The following PHEX variants were observed in gnomAD, a reference collection of about 807,000 sequenced individuals.
PHEX encodes phosphate regulating endopeptidase X-linked.
Under a neutral mutation model 68.0 loss-of-function variants are expected in PHEX, and 16 were observed. That is an observed-to-expected ratio of 0.24 (90% CI 0.16 to 0.36). The LOEUF (loss-of-function observed/expected upper bound fraction) is 0.36, where lower values mean the gene tolerates loss of function less well. Ranked by LOEUF, PHEX falls within the 10% of genes least tolerant of loss-of-function variation. The pLI, the probability that PHEX is intolerant of heterozygous loss-of-function variation, is 1.00. For missense variants in PHEX, 480 were observed against 575.5 expected (o/e 0.83, Z 1.70); for synonymous variants, 208 against 205.1 (o/e 1.01, Z -0.12).
chrX:22,224,947 A>AATTATCATACAGCGCTGTATTATTT (rs1935401376), intron 18 of PHEX, among the ~76,000 whole-genome samples: 1 of 23,252 alleles, frequency 4.3e-5, no homozygotes, highest in Non-Finnish European at 7.9e-5. Context: ...AAATAACATA[A>AATTATCATACAGCGCTGTATTATTT]ATTATCATAC....
chrX:22,063,631 C>T (rs1000954792), intron 3 of PHEX, among the ~76,000 whole-genome samples: 4 of 112,219 alleles, frequency 3.6e-5, no homozygotes, highest in African/African-American at 6.5e-5. Context: ...AGAAGCGTCG[C>T]GTCCACCTTC....
chrX:22,245,638 C>T (rs1178544467), intron 21 of PHEX, among the ~76,000 whole-genome samples: 1 of 112,026 alleles, frequency 8.9e-6, no homozygotes, highest in African/African-American at 3.2e-5. Context: ...TGAATTTCTG[C>T]TGATGGTACC....
chrX:22,198,067 TATTA>T (rs1452591480), intron 15 of PHEX, among the ~76,000 whole-genome samples: 5 of 104,755 alleles, frequency 4.8e-5, no homozygotes, highest in African/African-American at 1.7e-4. Context: ...TAATATTAAA[TATTA>T]ATTATATCTA....
intron 3 of PHEX, 106 bp downstream of exon 3, chrX:22,047,317 T>C (rs1927589877): frequency 4.4e-6 from 3 of 680,753 alleles, no homozygotes; most frequent in African/African-American, 2.2e-5. Flanking sequence ...TTAACTACCA[T>C]GCTAAATTCA....
Position 22,082,187 on chromosome X carries a change from T to C in PHEX, c.663+4485T>C, listed in dbSNP as rs1052718592. Among the ~76,000 whole-genome samples, 5 of 112,364 alleles carry C rather than the reference T, an allele frequency of 4.4e-5. No individual in the cohort carries two copies. The East Asian group carries it at 1.4e-3, about 31-fold the overall frequency. On this transcript the variant is annotated intron_variant, in intron 5 of 21. Transcript: ENST00000379374. ...ATGGTACATGTGATAATCTGATACATTCATATAATCAAATCATGGTAACTG... is the reference window on the plus strand; with the variant it reads ...ATGGTACATGTGATAATCTGATACACTCATATAATCAAATCATGGTAACTG...
chrX:22,228,848 G>C, intron 20 of PHEX, among the ~76,000 whole-genome samples: 1 of 111,700 alleles, frequency 9.0e-6, no homozygotes, highest in Non-Finnish European at 1.9e-5. Flanking sequence ...ACCTACATTA[G>C]GTATTTTTCC....
At chrX:22,126,833 A>G (rs1412109658) in intron 11 of PHEX, among the ~76,000 whole-genome samples, 1 of 98,056 alleles carries the variant, frequency 1.0e-5, no homozygotes, top group East Asian at 3.4e-4. Flanking sequence ...CTGTATTTTT[A>G]TAGTGTGGAT....
chrX:22,226,084 G>GAGTT (rs1935484910), intron 18 of PHEX, among the ~76,000 whole-genome samples: 1 of 112,070 alleles, frequency 8.9e-6, no homozygotes, highest in African/African-American at 3.2e-5. Flanking sequence ...CAAATTATGT[G>GAGTT]AGTTAATCAG....
chrX:22,190,880 A>G (rs1029323883), intron 15 of PHEX, among the ~76,000 whole-genome samples: 3 of 111,922 alleles, frequency 2.7e-5, no homozygotes, highest in African/African-American at 9.7e-5. Flanking sequence ...CAGATTGTAG[A>G]ACCTGAGCGG....
intron 12 of PHEX, among the ~76,000 whole-genome samples, chrX:22,164,842 T>G (rs1340547658): frequency 3.6e-5 from 4 of 112,286 alleles, no homozygotes; most frequent in African/African-American, 1.3e-4. Context: ...TGACATAGTT[T>G]GGTGTTGGGG....
At position 22,249,456 on chromosome X, in the gene PHEX, ATATATATATAT is replaced by A. The variant is rs1382184621; in HGVS notation, c.*1504_*1514del. 205 of 31,180 alleles carry A rather than the reference ATATATATATAT, an allele frequency of 6.6e-3. 2 individuals are homozygous for A. Among genetic ancestry groups the A allele is most frequent in the Admixed American group, 9.0e-3 (27 of 3,002 alleles). 2.6% of individuals were successfully genotyped at this position (31,180 alleles called of 1,213,427 possible). A position where few individuals can be genotyped will look rare whatever the true frequency, so the allele number is the denominator to read the frequency against. ...TGTGATTCTTTTAAAAAAAAAAAAAATATATATATATATATATATATATATATATATGTATA... is the reference window on the plus strand; with the variant it reads ...TGTGATTCTTTTAAAAAAAAAAAAAAATATATATATATATATATATGTATA... On this transcript the variant is annotated 3_prime_UTR_variant, in exon 22 of 22. Coordinates refer to ENST00000379374, the MANE Select transcript of PHEX (RefSeq NM_000444.6).
At chrX:22,192,119 T>C (rs1400827388) in intron 15 of PHEX, among the ~76,000 whole-genome samples, 2 of 110,626 alleles carry the variant, frequency 1.8e-5, no homozygotes, top group African/African-American at 6.6e-5. Flanking sequence ...TCCTTGCTGG[T>C]TTCTCCTCAT....
At chrX:22,084,672 A>G (rs1328506745) in intron 5 of PHEX, among the ~76,000 whole-genome samples, 2 of 109,635 alleles carry the variant, frequency 1.8e-5, no homozygotes, top group South Asian at 7.9e-4. Context: ...TATGGCTTCA[A>G]TCTTGCTACT....
chrX:22,216,315 C>T (rs181560812), intron 16 of PHEX, among the ~76,000 whole-genome samples: 6 of 110,801 alleles, frequency 5.4e-5, no homozygotes, highest in South Asian at 3.8e-4. Context: ...ACAGCAAATC[C>T]GGTGCATATG....
chrX:22,168,572 C>T (rs1933416935), intron 13 of PHEX, among the ~76,000 whole-genome samples, 183 bp downstream of exon 13: 2 of 111,287 alleles, frequency 1.8e-5, no homozygotes, highest in African/African-American at 6.5e-5. Context: ...AGGGCAGATT[C>T]AAAATAAAGA....
chrX:22,201,573 C>T (rs1393262686), intron 15 of PHEX, among the ~76,000 whole-genome samples: 1 of 110,997 alleles, frequency 9.0e-6, no homozygotes, highest in Non-Finnish European at 1.9e-5. Context: ...TGAAGCCTAA[C>T]CAAGGAGGCA....
At chrX:22,083,649 T>C (rs928946155) in intron 5 of PHEX, among the ~76,000 whole-genome samples, 60 of 112,141 alleles carry the variant, frequency 5.4e-4, no homozygotes, top group African/African-American at 1.8e-3. Flanking sequence ...TTTTTCAGAT[T>C]ATTTGCTTTT....
intron 20 of PHEX, among the ~76,000 whole-genome samples, chrX:22,234,470 A>G (rs1935891165): frequency 1.8e-5 from 2 of 110,249 alleles, no homozygotes; most frequent in Admixed American, 1.9e-4. Context: ...TGCCCTGCCC[A>G]GAGAGGTGAC....
intron 15 of PHEX, among the ~76,000 whole-genome samples, chrX:22,197,619 A>G (rs984876833): frequency 1.8e-5 from 2 of 111,054 alleles, no homozygotes; most frequent in Non-Finnish European, 3.8e-5. Flanking sequence ...CTTGGCTGCA[A>G]CCTCACGAGA....
Sources: allele counts gnomAD v4.1 joint callset (sites outside exome capture counted in the v4.1 genomes callset), GRCh38; gene constraint gnomAD v4.1.1; transcripts MANE v1.5; gene names NCBI Gene and HGNC (gene_info 2026-07-23, HGNC 2026-07-21).